UBAC2: variants seen among roughly 807,000 people sequenced by gnomAD.
The protein encoded by UBAC2 is ubiquitin-associated domain-containing protein 2.
A neutral mutation model predicts 44.0 loss-of-function variants in UBAC2; 26 were observed. The ratio of observed to expected loss-of-function variants is 0.59; its 90% confidence interval spans 0.43 to 0.82. The LOEUF is 0.82. Among genes scored for constraint, UBAC2 ranks in the 40% least tolerant of loss-of-function variants. UBAC2 has a pLI of 0.00. For synonymous variants in UBAC2, 155 were observed against 154.3 expected (o/e 1.00, Z -0.04); for missense variants, 329 against 419.4 (o/e 0.78, Z 1.88).
At chr13:99,280,717 C>G (rs760356537) in intron 4 of UBAC2, among the ~76,000 whole-genome samples, 1 of 152,156 alleles carries the variant, frequency 6.6e-6, no homozygotes, top group African/African-American at 2.4e-5. Context: ...TGACTGGGAT[C>G]GGTCTGCCAC....
At chr13:99,315,147 C>A (rs541696806) in intron 5 of UBAC2, among the ~76,000 whole-genome samples, 1 of 152,228 alleles carries the variant, frequency 6.6e-6, no homozygotes, top group South Asian at 2.1e-4. Context: ...CTTTTACAAC[C>A]GTTTCTCATG....
At chr13:99,309,903 C>T (rs1291170696) in intron 4 of UBAC2, among the ~76,000 whole-genome samples, 2 of 152,254 alleles carry the variant, frequency 1.3e-5, no homozygotes, top group East Asian at 1.9e-4. Context: ...TGAGCCACCA[C>T]ATCCAGTGAC....
At position 99,364,246 on chromosome 13, in the gene UBAC2, T is replaced by G. The variant is rs9513604; in HGVS notation, c.808-3541T>G. On this transcript the variant is annotated intron_variant, in intron 7 of 8. Coordinates refer to ENST00000403766, the MANE Select transcript of UBAC2 (RefSeq NM_001144072.2). ...GAATGGGTATTGAATTTTGTCAAAT[T>G]GTTTTCATACCTATTGAGATGAGCG... Among the ~76,000 whole-genome samples, 249 of 151,898 alleles carry G rather than the reference T, an allele frequency of 1.6e-3. 1 individual carries two copies. The highest frequency in any genetic ancestry group is 7.9e-3 in the South Asian group (38 of 4,816).
chr13:99,201,606 T>G (rs1268746900), intron 1 of UBAC2: 1 of 1,609,464 alleles, frequency 6.2e-7, no homozygotes, highest in Non-Finnish European at 8.5e-7. Context: ...TTAAACGGCT[T>G]TTCTCACTGA....
rs1439274988 is a variant in UBAC2, at chr13:99,202,155, T to A, written c.31+1216T>A. On this transcript the variant is annotated intron_variant, in intron 1 of 8. Coordinates refer to ENST00000403766, the MANE Select transcript of UBAC2 (RefSeq NM_001144072.2). ...TGTGTCTCGTCTTATAGTCTGACAGTGAGTTAGTATCAGCGCCACAGGCAT... is the reference window on the plus strand; with the variant it reads ...TGTGTCTCGTCTTATAGTCTGACAGAGAGTTAGTATCAGCGCCACAGGCAT... 3.3e-5 allele frequency among the ~76,000 whole-genome samples: 5 copies of A among 151,224 alleles called. No homozygotes were observed. The East Asian group carries it at 9.7e-4, about 29-fold the overall frequency.
At chr13:99,203,160 C>A (rs1593987722) in intron 1 of UBAC2, among the ~76,000 whole-genome samples, 2 of 152,064 alleles carry the variant, frequency 1.3e-5, no homozygotes, top group African/African-American at 4.8e-5. Flanking sequence ...CCTCAGCCTC[C>A]CAAGTAGCTG....
intron 1 of UBAC2, among the ~76,000 whole-genome samples, chr13:99,235,765 A>G (rs553502676): frequency 3.9e-5 from 6 of 152,284 alleles, no homozygotes; most frequent in African/African-American, 1.2e-4. Flanking sequence ...ACTTGAGGCT[A>G]GGAGTTTGAG....
In UBAC2 at chr13:99,385,424, C is replaced by G. The variant is rs1368735367; in HGVS notation, c.*89C>G. 45 of 1,047,566 alleles carry G rather than the reference C, an allele frequency of 4.3e-5. No homozygotes were observed. Among genetic ancestry groups the G allele is most frequent in the Middle Eastern group, 5.0e-4 (2 of 3,998 alleles). The allele number at this position is 1,047,566 out of a possible 1,614,324, so 64.9% of individuals were successfully genotyped here. On this transcript the variant is annotated 3_prime_UTR_variant, in exon 9 of 9. Coordinates refer to ENST00000403766, the MANE Select transcript of UBAC2 (RefSeq NM_001144072.2). ...AGATCAGCCCGGGGACCGAGCATCT[C>G]TGGTGCTGATGTTCTTGTGGGAAGA...
chr13:99,267,245 T>G (rs1445249805), intron 4 of UBAC2, among the ~76,000 whole-genome samples: 1 of 152,248 alleles, frequency 6.6e-6, no homozygotes, highest in African/African-American at 2.4e-5. Flanking sequence ...CTGTAGGAGC[T>G]CTTTATGTAA....
chr13:99,300,463 A>G (rs964259658), intron 4 of UBAC2, among the ~76,000 whole-genome samples: 1 of 152,182 alleles, frequency 6.6e-6, no homozygotes, highest in Non-Finnish European at 1.5e-5. Context: ...TATGATCCCA[A>G]ATTGAGAGGA....
chr13:99,295,952 G>A lies in UBAC2; in HGVS notation c.390-18145G>A. ...CAAATTTGTTGAATAGAGGGTGGTA[G>A]AGTTGATTTTTTTCCTGTTTTGAAC... On this transcript the variant is annotated intron_variant, in intron 4 of 8. Transcript: ENST00000403766. This position sits in a 1 kb window ranked among gnomAD's most constrained non-coding sequence, Gnocchi z 4.1. 6.2e-7 allele frequency: 1 copy of A among 1,614,120 alleles called. No homozygotes were observed. The highest frequency in any genetic ancestry group is 8.5e-7 in the Non-Finnish European group (1 of 1,179,978).
intron 4 of UBAC2, among the ~76,000 whole-genome samples, chr13:99,278,598 A>T (rs1594081337): frequency 6.6e-6 from 1 of 152,194 alleles, no homozygotes; most frequent in Admixed American, 6.5e-5. Context: ...AGTGAAAAAA[A>T]GTGATATTTC....
At chr13:99,292,335 G>A (rs2138709699) in intron 4 of UBAC2, among the ~76,000 whole-genome samples, 1 of 151,748 alleles carries the variant, frequency 6.6e-6, no homozygotes, top group East Asian at 1.9e-4. Context: ...GTAGAGACCG[G>A]GTTTCACCAT....
intron 6 of UBAC2, among the ~76,000 whole-genome samples, chr13:99,334,289 A>G (rs2044756695): frequency 6.6e-6 from 1 of 152,182 alleles, no homozygotes; most frequent in Non-Finnish European, 1.5e-5. Flanking sequence ...TAAGGTATAT[A>G]GGTGTAAAAT....
intron 5 of UBAC2, among the ~76,000 whole-genome samples, chr13:99,316,445 A>G (rs569789100): frequency 1.3e-5 from 2 of 152,242 alleles, no homozygotes; most frequent in East Asian, 3.9e-4. Flanking sequence ...ATGAATGAAG[A>G]CTTGAATCAT....
intron 4 of UBAC2, among the ~76,000 whole-genome samples, chr13:99,284,533 T>C (rs924473071): frequency 2.0e-5 from 3 of 152,224 alleles, no homozygotes; most frequent in Admixed American, 2.0e-4. Flanking sequence ...CTACACAGTA[T>C]TTTTTCTGAA....
At chr13:99,381,971 G>A (rs747867840) in intron 8 of UBAC2, among the ~76,000 whole-genome samples, 2 of 152,186 alleles carry the variant, frequency 1.3e-5, no homozygotes, top group Non-Finnish European at 2.9e-5. Flanking sequence ...AGATCACCAA[G>A]ACCTTTGACA....
At chr13:99,252,672 C>T (rs990969118) in intron 4 of UBAC2, among the ~76,000 whole-genome samples, 7 of 152,278 alleles carry the variant, frequency 4.6e-5, no homozygotes, top group South Asian at 4.1e-4. Flanking sequence ...GTGGATGTTA[C>T]ATCGTTTTCC....
At chr13:99,339,328 G>A (rs775243080) in intron 6 of UBAC2, among the ~76,000 whole-genome samples, 6 of 152,240 alleles carry the variant, frequency 3.9e-5, no homozygotes, top group African/African-American at 7.2e-5. Flanking sequence ...GAGTAGGTTC[G>A]TGCCCCATGT....
Sources: allele counts gnomAD v4.1 joint callset (sites outside exome capture counted in the v4.1 genomes callset), GRCh38; gene constraint gnomAD v4.1.1; non-coding constraint Gnocchi (gnomAD v3.1); transcripts MANE v1.5; gene names NCBI Gene and HGNC (gene_info 2026-07-23, HGNC 2026-07-21).